Variants in PTPRQ observed in about 807,000 individuals in gnomAD.
PTPRQ encodes the protein phosphatidylinositol phosphatase PTPRQ.
A neutral mutation model predicts 246.0 loss-of-function variants in PTPRQ; 199 were observed. That is an observed-to-expected ratio of 0.81 (90% confidence interval 0.72 to 0.91). PTPRQ has a LOEUF of 0.91. Ranked by LOEUF, PTPRQ falls within the 40% of genes least tolerant of loss-of-function variation. The pLI, the probability that PTPRQ is intolerant of heterozygous loss-of-function variation, is 0.00. For missense variants in PTPRQ, 2,624 were observed against 2,528.4 expected (o/e 1.04, Z -0.81); for synonymous variants, 869 against 853.2 (o/e 1.02, Z -0.32).
rs982442332 is a variant in PTPRQ, at chr12:80,450,284, C to T, written c.390+4567C>T. Among the ~76,000 whole-genome samples, 15 of 152,116 alleles carry T rather than the reference C, an allele frequency of 9.9e-5. 1 individual carries two copies. The highest frequency in any genetic ancestry group is 6.2e-4 in the South Asian group (3 of 4,832). ...AGCTTAAGGAGATTTTGGGCTGAGA[C>T]GATGGGGTTTTCTAGATATACAATC... On this transcript the variant is annotated intron_variant, in intron 3 of 44. Transcript: ENST00000644991.
At chr12:80,455,676 C>T (rs11608378) in intron 3 of PTPRQ, among the ~76,000 whole-genome samples, 7,785 of 151,710 alleles carry the variant, frequency 0.051, 279 homozygotes, top group Middle Eastern at 0.088. Flanking sequence ...CTGCAAGCTC[C>T]GCCTCCCAGG....
chr12:80,524,870 T>C (rs1190559672), intron 17 of PTPRQ, among the ~76,000 whole-genome samples: 1 of 152,198 alleles, frequency 6.6e-6, no homozygotes, highest in Non-Finnish European at 1.5e-5. Flanking sequence ...ATTATGCTTT[T>C]ACTACACCAA....
chr12:80,510,489 C>T, intron 17 of PTPRQ, 46 bp downstream of exon 17: 1 of 1,469,290 alleles, frequency 6.8e-7, no homozygotes, highest in African/African-American at 1.4e-5. Flanking sequence ...AGATATTAAT[C>T]TGTAACATAA....
chr12:80,656,712 A>T (rs980202352), intron 38 of PTPRQ, among the ~76,000 whole-genome samples: 2 of 152,086 alleles, frequency 1.3e-5, no homozygotes, highest in African/African-American at 4.8e-5. Context: ...TAGGCAGATG[A>T]ATTAATGGAA....
At chr12:80,600,052 T>G (rs187762646) in intron 26 of PTPRQ, among the ~76,000 whole-genome samples, 3 of 151,948 alleles carry the variant, frequency 2.0e-5, no homozygotes, top group African/African-American at 7.2e-5. Flanking sequence ...CAAACATTGT[T>G]TACAGTGATT....
rs1260913632 is a variant in PTPRQ at position 80,605,191 on chromosome 12, T to G, written c.4731+11T>G. 1 of 1,539,038 alleles carries G rather than the reference T, an allele frequency of 6.5e-7. No homozygotes were observed. Among genetic ancestry groups the G allele is most frequent in the Non-Finnish European group, 8.8e-7 (1 of 1,140,464 alleles). ...ATTGATGTCAAATCGGTAAGGCATG[T>G]CTTACCTTCTGTAAAAGCCAGTATA... is the stretch of plus-strand genomic sequence containing the variant. On this transcript the variant is annotated intron_variant, in intron 27 of 44. Transcript: ENST00000644991.
intron 25 of PTPRQ, among the ~76,000 whole-genome samples, chr12:80,556,010 T>C (rs1368852025): frequency 2.0e-5 from 3 of 152,124 alleles, no homozygotes; most frequent in East Asian, 3.8e-4. Flanking sequence ...CTACATAATA[T>C]GTTGGTCAAT....
rs57046212 is a variant in PTPRQ, at chr12:80,558,467, CTTTTTTT to C, written c.4285+8746_4285+8752del. 1.0e-3 allele frequency among the ~76,000 whole-genome samples: 125 copies of C among 122,884 alleles called. 1 individual carries two copies. The highest frequency in any genetic ancestry group is 3.6e-3 in the African/African-American group (116 of 32,012). 80.6% of individuals were successfully genotyped at this position (122,884 alleles called of 152,430 possible). On this transcript the variant is annotated intron_variant, in intron 25 of 44. Coordinates refer to ENST00000644991, the MANE Select transcript of PTPRQ (RefSeq NM_001145026.2). ...ACAGACATGAGCCACTGCACCTGGC[CTTTTTTT>C]TTTTTTTTTTTTCTTTTTGGTATGG...
chr12:80,499,119 A>AG (rs71094984), intron 14 of PTPRQ, among the ~76,000 whole-genome samples: 129,210 of 151,826 alleles, frequency 0.85, 55,846 homozygotes, highest in Non-Finnish European at 0.93. Context: ...TGAGAAGTAA[A>AG]TTGGGGCTTG....
At chr12:80,662,733 G>T (rs1299386795) in intron 39 of PTPRQ, among the ~76,000 whole-genome samples, 1 of 151,960 alleles carries the variant, frequency 6.6e-6, no homozygotes, top group Non-Finnish European at 1.5e-5. Flanking sequence ...ATGAAAAGTG[G>T]CATCCATGGG....
At chr12:80,654,582 T>G (rs1166742501) in intron 38 of PTPRQ, among the ~76,000 whole-genome samples, 1 of 151,820 alleles carries the variant, frequency 6.6e-6, no homozygotes, top group Admixed American at 6.6e-5. Flanking sequence ...GCGCGGTGGC[T>G]CACGCCTGTA....
chr12:80,609,356 A>T (rs1168296899), intron 27 of PTPRQ, among the ~76,000 whole-genome samples: 4 of 150,568 alleles, frequency 2.7e-5, no homozygotes, highest in Non-Finnish European at 6.0e-5. Flanking sequence ...AACCAACCAA[A>T]CAAAAAATAT....
At chr12:80,505,666 A>G (rs568738736) in intron 14 of PTPRQ, among the ~76,000 whole-genome samples, 1 of 151,894 alleles carries the variant, frequency 6.6e-6, no homozygotes, top group South Asian at 2.1e-4. Context: ...TTTTTTTCAT[A>G]TTATTATTAA....
Position 80,605,143 on chromosome 12 carries a change from T to C in PTPRQ, c.4694T>C (p.Ile1565Thr). 2 of 1,545,350 alleles carry C rather than the reference T, an allele frequency of 1.3e-6. No homozygotes were observed. The highest frequency in any genetic ancestry group is 1.7e-6 in the Non-Finnish European group (2 of 1,143,180). Reference sequence around the variant, plus strand: ...ATAAGCTGGAGTGAACCTGCTGTCATTACTGGACCAACATGTTATCTGATT... The same window carrying C: ...ATAAGCTGGAGTGAACCTGCTGTCACTACTGGACCAACATGTTATCTGATT... ...ISISWSEPAV[I>T]TGPTCYLIDV... Residue 1565 changes from isoleucine to threonine, a missense_variant, in exon 27 of 45, where the codon ATT becomes ACT. Transcript: ENST00000644991.
chr12:80,457,731 A>G (rs1368274977), intron 4 of PTPRQ, 87 bp downstream of exon 4: 4 of 397,982 alleles, frequency 1.0e-5, no homozygotes, highest in Non-Finnish European at 1.8e-5. Context: ...AACTGACACT[A>G]AAATACATAT....
intron 27 of PTPRQ, among the ~76,000 whole-genome samples, chr12:80,606,108 G>A (rs1898310718): frequency 6.6e-6 from 1 of 151,050 alleles, no homozygotes; most frequent in South Asian, 2.1e-4. Context: ...AGAAGATTAT[G>A]AGGAGGAACA....
chr12:80,480,778 A>G (rs1378601731), intron 8 of PTPRQ, among the ~76,000 whole-genome samples: 1 of 152,252 alleles, frequency 6.6e-6, no homozygotes, highest in African/African-American at 2.4e-5. Flanking sequence ...ATCTAGAAGG[A>G]ATGAATAAAT....
At chr12:80,501,852 A>G in intron 14 of PTPRQ, among the ~76,000 whole-genome samples, 1 of 151,884 alleles carries the variant, frequency 6.6e-6, no homozygotes, top group East Asian at 1.9e-4. Flanking sequence ...GTGTTTGGCA[A>G]GAAGGGAGGT....
Position 80,605,046 on chromosome 12 carries a change from T to C in PTPRQ, c.4610-13T>C, listed in dbSNP as rs2121079488. The C allele has an allele frequency of 6.5e-7, 1 of 1,532,770 alleles. No homozygotes were observed. Among genetic ancestry groups the C allele is most frequent in the Non-Finnish European group, 8.8e-7 (1 of 1,137,394 alleles). 94.9% of individuals were successfully genotyped at this position (1,532,770 alleles called of 1,614,324 possible). A position where few individuals can be genotyped will look rare whatever the true frequency, so the allele number is the denominator to read the frequency against. On this transcript the variant is annotated splice_polypyrimidine_tract_variant and intron_variant, in intron 26 of 44. Coordinates refer to ENST00000644991, the MANE Select transcript of PTPRQ (RefSeq NM_001145026.2). ...TCTAATGTAGCTAGATAATTAATTT[T>C]CTATTGTCATAGCTCCAGATGGTCC...
Sources: gnomAD v4.1 joint callset for allele counts (sites outside exome capture counted in the v4.1 genomes callset) on GRCh38, gnomAD v4.1.1 for gene constraint, MANE v1.5 for transcripts, NCBI Gene and HGNC (gene_info 2026-07-23, HGNC 2026-07-21) for gene names.